The following RHOBTB3 variants were observed in gnomAD, a reference collection of about 807,000 sequenced individuals.
RHOBTB3 encodes the protein rho-related BTB domain-containing protein 3.
Under a neutral mutation model 67.2 loss-of-function variants are expected in RHOBTB3, and 47 were observed. That is an observed-to-expected ratio of 0.70 (90% CI 0.55 to 0.89). The LOEUF (loss-of-function observed/expected upper bound fraction) is 0.89, where lower values mean the gene tolerates loss of function less well. Ranked by LOEUF, RHOBTB3 falls within the 40% of genes least tolerant of loss-of-function variation. The pLI is 0.00. For missense variants in RHOBTB3, 631 were observed against 750.0 expected, an observed-to-expected ratio of 0.84 and a Z score of 1.85; for synonymous variants, 273 against 274.2, an observed-to-expected ratio of 1.00 and a Z score of 0.04.
At chr5:95,730,936 G>T (rs1483058978), upstream of RHOBTB3, 1 of 463,872 alleles carries the variant, frequency 2.2e-6, no homozygotes, top group African/African-American at 2.0e-5. Flanking sequence ...GGGGGAAATC[G>T]GGTTGCTGGG....
intron 7 of RHOBTB3, among the ~76,000 whole-genome samples, chr5:95,766,923 G>A (rs914541363): frequency 6.6e-6 from 1 of 152,278 alleles, no homozygotes; most frequent in South Asian, 2.1e-4. Flanking sequence ...TGGAGATGAA[G>A]ATGGAGGTGA....
intron 4 of RHOBTB3, among the ~76,000 whole-genome samples, chr5:95,749,904 C>A (rs1424597682): frequency 6.6e-6 from 1 of 152,212 alleles, no homozygotes; most frequent in Non-Finnish European, 1.5e-5. Context: ...TCTTTCTCTT[C>A]TTCTGGCTCC....
chr5:95,767,838 T>C (rs1241174820), intron 7 of RHOBTB3: 3 of 707,120 alleles, frequency 4.2e-6, no homozygotes, highest in Middle Eastern at 4.6e-4. Flanking sequence ...CTGCTGTGAA[T>C]GCCAAAGAGA....
intron 1 of RHOBTB3, among the ~76,000 whole-genome samples, chr5:95,720,718 T>C (rs934201262): frequency 6.6e-6 from 1 of 152,206 alleles, no homozygotes; most frequent in African/African-American, 2.4e-5. Flanking sequence ...GAGTGTCTCA[T>C]TCTTTTTGTT....
intron 6 of RHOBTB3, among the ~76,000 whole-genome samples, chr5:95,759,365 T>C (rs1354743807): frequency 1.3e-5 from 2 of 152,252 alleles, no homozygotes; most frequent in Non-Finnish European, 2.9e-5. Flanking sequence ...TTTATTATTC[T>C]TTAATTATTT....
At chr5:95,767,992 T>A (rs1332266319) in intron 7 of RHOBTB3, 54 bp from the exon 8 acceptor site, 4 of 1,561,530 alleles carry the variant, frequency 2.6e-6, no homozygotes, top group Non-Finnish European at 3.5e-6. Flanking sequence ...CTAGCCTATA[T>A]GTTATCAAAG....
chr5:95,784,452 G>T (rs933181331), intron 10 of RHOBTB3, among the ~76,000 whole-genome samples: 1 of 152,162 alleles, frequency 6.6e-6, no homozygotes, highest in African/African-American at 2.4e-5. Flanking sequence ...ATATTGGTGT[G>T]CCTCATTTAT....
intron 1 of RHOBTB3, among the ~76,000 whole-genome samples, chr5:95,722,495 G>A (rs962447370): frequency 6.6e-6 from 1 of 151,956 alleles, no homozygotes; most frequent in African/African-American, 2.4e-5. Context: ...TAATGTAAAA[G>A]AGGTTTTTTT....
intron 6 of RHOBTB3, among the ~76,000 whole-genome samples, chr5:95,759,174 T>A (rs1246871184): frequency 6.6e-6 from 1 of 152,204 alleles, no homozygotes; most frequent in Non-Finnish European, 1.5e-5. Flanking sequence ...CAGTTCAGAG[T>A]CCTGGCTTCT....
chr5:95,794,269 C>T lies in RHOBTB3; in HGVS notation c.*1095C>T, dbSNP rs183425513. The T allele has an allele frequency of 4.0e-6, 1 of 247,344 alleles. No individual in the cohort carries two copies. Among genetic ancestry groups the T allele is most frequent in the Admixed American group, 4.9e-5 (1 of 20,234 alleles). The allele number at this position is 247,344 out of a possible 1,614,324, so 15.3% of individuals were successfully genotyped here. On this transcript the variant is annotated 3_prime_UTR_variant, in exon 12 of 12. Coordinates refer to ENST00000379982, the MANE Select transcript of RHOBTB3 (RefSeq NM_014899.4). ...TGGTAAGAGTGACTAACCAGCCTAA[C>T]TTTAATACACATGTATAAAGATGTT...
At chr5:95,745,850 A>G (rs1561442696) in intron 3 of RHOBTB3, among the ~76,000 whole-genome samples, 1 of 152,106 alleles carries the variant, frequency 6.6e-6, no homozygotes, top group Non-Finnish European at 1.5e-5. Flanking sequence ...TTCTACTGCT[A>G]TAACCAATAC....
At chr5:95,771,301 A>G (rs1745703354) in intron 8 of RHOBTB3, among the ~76,000 whole-genome samples, 1 of 152,258 alleles carries the variant, frequency 6.6e-6, no homozygotes, top group South Asian at 2.1e-4. Context: ...ATATAATCTA[A>G]TTTAATAGTA....
At chr5:95,792,854 A>T (rs1470588808) in intron 11 of RHOBTB3, among the ~76,000 whole-genome samples, 2 of 152,152 alleles carry the variant, frequency 1.3e-5, no homozygotes, top group Middle Eastern at 3.2e-3. Flanking sequence ...GACAAGATAT[A>T]TATAATTGTA....
intron 7 of RHOBTB3, among the ~76,000 whole-genome samples, 182 bp downstream of exon 7, chr5:95,763,802 TTGTGTGTGTG>T (rs60736311): frequency 6.7e-6 from 1 of 148,862 alleles, no homozygotes; most frequent in African/African-American, 2.5e-5. Flanking sequence ...GTATCTTAGA[TTGTGTGTGTG>T]TGTGTGTGTG....
chr5:95,787,691 A>G (rs962196933), intron 10 of RHOBTB3, among the ~76,000 whole-genome samples: 1 of 152,250 alleles, frequency 6.6e-6, no homozygotes, highest in Non-Finnish European at 1.5e-5. Flanking sequence ...TGAAATTTTG[A>G]TATCTGCTAC....
intron 3 of RHOBTB3, among the ~76,000 whole-genome samples, chr5:95,743,395 C>T (rs931291005): frequency 2.0e-5 from 3 of 151,998 alleles, no homozygotes; most frequent in African/African-American, 7.2e-5. Flanking sequence ...CCCACTCATC[C>T]CCAGTCATTT....
At chr5:95,720,889 A>G (rs1335462608) in intron 1 of RHOBTB3, among the ~76,000 whole-genome samples, 1 of 152,226 alleles carries the variant, frequency 6.6e-6, no homozygotes, top group Non-Finnish European at 1.5e-5. Context: ...TTGTTCAACA[A>G]AATGTCATTT....
At chr5:95,747,691 T>C (rs1310326004) in intron 3 of RHOBTB3, among the ~76,000 whole-genome samples, 2 of 152,242 alleles carry the variant, frequency 1.3e-5, no homozygotes, top group Non-Finnish European at 2.9e-5. Context: ...TTTTTATTTC[T>C]TCAGTTTTTA....
At chr5:95,748,819 C>T (rs1745004323) in intron 4 of RHOBTB3, among the ~76,000 whole-genome samples, 1 of 152,174 alleles carries the variant, frequency 6.6e-6, no homozygotes, top group Admixed American at 6.5e-5. Flanking sequence ...CTGAATGAGC[C>T]TGGCAGCCTG....
Sources: allele counts gnomAD v4.1 joint callset (sites outside exome capture counted in the v4.1 genomes callset), GRCh38; gene constraint gnomAD v4.1.1; transcripts MANE v1.5; gene names NCBI Gene and HGNC (gene_info 2026-07-23, HGNC 2026-07-21).